PRKCA: variants seen among roughly 807,000 people sequenced by gnomAD.
The protein encoded by PRKCA is protein kinase C alpha type.
A neutral mutation model predicts 87.0 loss-of-function variants in PRKCA; 27 were observed. The ratio of observed to expected loss-of-function variants is 0.31; its 90% CI spans 0.23 to 0.43. The LOEUF (loss-of-function observed/expected upper bound fraction) is 0.43, where lower values mean the gene tolerates loss of function less well. Among genes scored for constraint, PRKCA ranks in the 20% least tolerant of loss-of-function variants. The pLI is 1.00. For missense variants in PRKCA, 518 were observed against 852.3 expected (o/e 0.61, Z 4.88); for synonymous variants, 329 against 311.1 (o/e 1.06, Z -0.61).
At chr17:66,517,209 G>A (rs1393622846) in intron 3 of PRKCA, among the ~76,000 whole-genome samples, 1 of 152,102 alleles carries the variant, frequency 6.6e-6, no homozygotes, top group Non-Finnish European at 1.5e-5. Flanking sequence ...ACTTGAACCT[G>A]GGAGGTAGAG....
intron 2 of PRKCA, among the ~76,000 whole-genome samples, chr17:66,477,760 A>G (rs1169477959): frequency 6.6e-6 from 1 of 152,218 alleles, no homozygotes. Context: ...TCACCCATTT[A>G]AAGTGTACAC....
chr17:66,774,347 G>A (rs528151714), intron 14 of PRKCA: 134 of 1,242,308 alleles, frequency 1.1e-4, no homozygotes, highest in South Asian at 6.6e-4. Context: ...TTGGCCAGGC[G>A]CGGTGGCTCA....
intron 3 of PRKCA, among the ~76,000 whole-genome samples, chr17:66,602,653 G>A (rs1212825850): frequency 6.6e-6 from 1 of 152,262 alleles, no homozygotes; most frequent in East Asian, 1.9e-4. Context: ...GAGGGATGTT[G>A]TAGTATAGCC....
intron 13 of PRKCA, among the ~76,000 whole-genome samples, chr17:66,766,425 C>T (rs998528550): frequency 6.6e-6 from 1 of 152,038 alleles, no homozygotes; most frequent in African/African-American, 2.4e-5. Context: ...ATGTGGTTGG[C>T]AAGACTGCTC....
chr17:66,807,750 G>A lies in PRKCA; in HGVS notation c.*3713G>A, dbSNP rs1040770867. ...CCTCTCGGAGCCAAAGTCCTTAGGC[G>A]AGTGTGGTGACTTCCTGGAAGGAGG... On this transcript the variant is annotated 3_prime_UTR_variant, in exon 17 of 17. Transcript: ENST00000413366. The surrounding 1 kb of genome is among the most constrained non-coding windows in gnomAD (Gnocchi z 4.3). The A allele has an allele frequency of 9.9e-5, 15 of 152,236 alleles. No individual in the cohort carries two copies. The highest frequency in any genetic ancestry group is 9.2e-4 in the Admixed American group (14 of 15,288). The allele number at this position is 152,236 out of a possible 1,614,324, so 9.4% of individuals were successfully genotyped here. A position where few individuals can be genotyped will look rare whatever the true frequency, so the allele number is the denominator to read the frequency against.
At chr17:66,312,947 C>T (rs1310412155) in intron 2 of PRKCA, among the ~76,000 whole-genome samples, 4 of 151,970 alleles carry the variant, frequency 2.6e-5, no homozygotes, top group Non-Finnish European at 4.4e-5. Context: ...CCATGTTGGT[C>T]AGGCTAGTCT....
intron 3 of PRKCA, among the ~76,000 whole-genome samples, chr17:66,639,783 T>C (rs940488490): frequency 1.3e-5 from 2 of 151,958 alleles, no homozygotes; most frequent in Admixed American, 6.5e-5. Flanking sequence ...GATCACCTGA[T>C]GTCAGGAGTT....
At chr17:66,766,675 G>C (rs1418812097) in intron 13 of PRKCA, among the ~76,000 whole-genome samples, 1 of 152,104 alleles carries the variant, frequency 6.6e-6, no homozygotes, top group African/African-American at 2.4e-5. Context: ...GGGCATGGTG[G>C]TGGGAGTCTA....
intron 5 of PRKCA, among the ~76,000 whole-genome samples, chr17:66,656,956 T>C (rs1390364572): frequency 1.3e-5 from 2 of 152,232 alleles, no homozygotes; most frequent in Non-Finnish European, 2.9e-5. Context: ...TCAGATGTGT[T>C]GTAAAGGAAT....
At chr17:66,769,855 A>G (rs566437356) in intron 13 of PRKCA, among the ~76,000 whole-genome samples, 2 of 152,222 alleles carry the variant, frequency 1.3e-5, no homozygotes, top group South Asian at 4.1e-4. Flanking sequence ...GATATTTTCC[A>G]TTTTGACTAA....
intron 14 of PRKCA, among the ~76,000 whole-genome samples, chr17:66,785,257 GA>G (rs1461820100): frequency 1.3e-5 from 2 of 152,144 alleles, no homozygotes; most frequent in Non-Finnish European, 2.9e-5. Flanking sequence ...GGTGGTGGTT[GA>G]GGGGAGGGAC....
chr17:66,403,895 A>T (rs879716764), intron 2 of PRKCA: 1 of 152,216 alleles, frequency 6.6e-6, no homozygotes, highest in South Asian at 2.1e-4. Context: ...GATCCAGCAG[A>T]TTCCCTTTTT....
chr17:66,458,584 A>G (rs1403839472), intron 2 of PRKCA, among the ~76,000 whole-genome samples: 1 of 151,946 alleles, frequency 6.6e-6, no homozygotes, highest in Non-Finnish European at 1.5e-5. Flanking sequence ...GGGCTCAAGC[A>G]ATCCTCTTGC....
At chr17:66,517,389 T>C (rs1178872838) in intron 3 of PRKCA, among the ~76,000 whole-genome samples, 1 of 152,172 alleles carries the variant, frequency 6.6e-6, no homozygotes, top group Admixed American at 6.5e-5. Context: ...TTCAGTTGTT[T>C]CTCTTCCACC....
At chr17:66,518,483 T>G (rs915231890) in intron 3 of PRKCA, among the ~76,000 whole-genome samples, 1 of 152,180 alleles carries the variant, frequency 6.6e-6, no homozygotes, top group East Asian at 1.9e-4. Context: ...TTTAAATAAG[T>G]ATAGTTTATT....
intron 8 of PRKCA, among the ~76,000 whole-genome samples, chr17:66,716,365 C>T (rs962870376): frequency 6.6e-6 from 1 of 152,068 alleles, no homozygotes; most frequent in African/African-American, 2.4e-5. Context: ...CCAAAGTTCT[C>T]GAACAATGCT....
chr17:66,334,079 C>T (rs544053511), intron 2 of PRKCA, among the ~76,000 whole-genome samples: 21 of 152,156 alleles, frequency 1.4e-4, no homozygotes, highest in African/African-American at 4.6e-4. Context: ...GGTGAAACCC[C>T]ATCTCTACTA....
At chr17:66,345,627 G>A (rs1434125596) in intron 2 of PRKCA, among the ~76,000 whole-genome samples, 1 of 152,132 alleles carries the variant, frequency 6.6e-6, no homozygotes, top group African/African-American at 2.4e-5. Flanking sequence ...GAAAAAGTCA[G>A]TGTCAGGGAG....
chr17:66,484,516 C>A (rs946137268), intron 2 of PRKCA, among the ~76,000 whole-genome samples: 1 of 152,044 alleles, frequency 6.6e-6, no homozygotes, highest in Non-Finnish European at 1.5e-5. Flanking sequence ...TAACTTATTT[C>A]CCAGGTTTCT....
Sources: gnomAD v4.1 joint callset for allele counts (sites outside exome capture counted in the v4.1 genomes callset) on GRCh38, gnomAD v4.1.1 for gene constraint, Gnocchi (gnomAD v3.1) non-coding constraint, MANE v1.5 for transcripts, NCBI Gene and HGNC (gene_info 2026-07-23, HGNC 2026-07-21) for gene names.